Variants in SHISAL1 observed in about 807,000 individuals in gnomAD.
SHISAL1 encodes protein shisa-like-1.
In SHISAL1, 9 loss-of-function variants were observed where a neutral mutation model predicts 22.6. The observed-to-expected ratio is 0.40, with a 90% CI of 0.24 to 0.70. The LOEUF (loss-of-function observed/expected upper bound fraction) is 0.70. SHISAL1 is among the 30% of genes least tolerant of loss of function. SHISAL1 has a pLI of 0.39. For missense variants in SHISAL1, 246 were observed against 270.6 expected, an observed-to-expected ratio of 0.91 and a Z score of 0.64; for synonymous variants, 119 against 115.4, an observed-to-expected ratio of 1.03 and a Z score of -0.20.
At chr22:44,284,911 C>CTTCCTTCCTTCCT (rs2055302003) in intron 4 of SHISAL1, among the ~76,000 whole-genome samples, 1 of 151,634 alleles carries the variant, frequency 6.6e-6, no homozygotes, top group East Asian at 1.9e-4. Flanking sequence ...TCCTTCCTTC[C>CTTCCTTCCTTCCT]TTCCTTCCTT....
chr22:44,269,904 T>A (rs1273134357), intron 4 of SHISAL1, among the ~76,000 whole-genome samples: 1 of 152,232 alleles, frequency 6.6e-6, no homozygotes. Context: ...CTGTCCTTCC[T>A]GGTCAGCAGC....
intron 4 of SHISAL1, among the ~76,000 whole-genome samples, chr22:44,283,732 A>C (rs142181337): frequency 4.6e-4 from 70 of 152,306 alleles, no homozygotes; most frequent in African/African-American, 1.7e-3. Context: ...TTTTAAACGG[A>C]AGATTCTCAG....
the SHISAL1 span, among the ~76,000 whole-genome samples, chr22:44,327,150 C>G: frequency 6.6e-6 from 1 of 152,054 alleles, no homozygotes; most frequent in African/African-American, 2.4e-5. Flanking sequence ...CCCATCACAG[C>G]ACAGCACACG....
chr22:44,307,625 C>A (rs12161080), intron 1 of SHISAL1, among the ~76,000 whole-genome samples: 1 of 152,174 alleles, frequency 6.6e-6, no homozygotes, highest in African/African-American at 2.4e-5. Context: ...CCTGAACGCT[C>A]GTTGTTTGAC....
chr22:44,307,973 C>T (rs1475418108), intron 1 of SHISAL1, among the ~76,000 whole-genome samples: 1 of 152,184 alleles, frequency 6.6e-6, no homozygotes, highest in Non-Finnish European at 1.5e-5. Flanking sequence ...CAGCCAGCCC[C>T]TCCTCAGCCC....
intron 4 of SHISAL1, among the ~76,000 whole-genome samples, chr22:44,261,305 A>C (rs2147272963): frequency 6.6e-6 from 1 of 151,804 alleles, no homozygotes. Flanking sequence ...TGTGCTCTTC[A>C]CACTACTGGG....
At chr22:44,302,675 G>A (rs2055440277) in intron 1 of SHISAL1, among the ~76,000 whole-genome samples, 1 of 136,304 alleles carries the variant, frequency 7.3e-6, no homozygotes, top group Non-Finnish European at 1.6e-5. Flanking sequence ...AGGCCCTGGG[G>A]TGGGTGCGGT....
the SHISAL1 span, among the ~76,000 whole-genome samples, chr22:44,325,793 C>G: frequency 6.6e-6 from 1 of 151,946 alleles, no homozygotes; most frequent in South Asian, 2.1e-4. Flanking sequence ...ACCTTCATAA[C>G]GAGAAGCCAC....
intron 4 of SHISAL1, among the ~76,000 whole-genome samples, chr22:44,269,627 C>T (rs1200082138): frequency 1.3e-5 from 2 of 149,562 alleles, no homozygotes; most frequent in African/African-American, 5.1e-5. Context: ...ACACAATATA[C>T]ACACACATGC....
chr22:44,249,724 C>A (rs1289729140), intron 4 of SHISAL1, 39 bp from the exon 5 acceptor site: 1 of 778,658 alleles, frequency 1.3e-6, no homozygotes, highest in Non-Finnish European at 2.4e-6. Context: ...CACATGGTGT[C>A]TCCTCCATGG....
rs117917047 is a variant in SHISAL1 at position 44,303,154 on chromosome 22, G to A, written c.-32-2177C>T. ...TCTGGTGGGAGCAGTAGAGATGAGAGATGGGAGTTGATTTGCTGAGCATCT... is the reference window on the plus strand; with the variant it reads ...TCTGGTGGGAGCAGTAGAGATGAGAAATGGGAGTTGATTTGCTGAGCATCT... On this transcript the variant is annotated intron_variant, in intron 1 of 4. Transcript: ENST00000381176. Among the ~76,000 whole-genome samples the A allele has an allele frequency of 1.2e-3, 190 of 152,188 alleles. 6 individuals carry two copies. The East Asian group carries it at 0.033, about 26-fold the overall frequency.
At chr22:44,263,643 C>T (rs1483364743) in intron 4 of SHISAL1, among the ~76,000 whole-genome samples, 1 of 152,148 alleles carries the variant, frequency 6.6e-6, no homozygotes, top group African/African-American at 2.4e-5. Flanking sequence ...AGGCAGCAGG[C>T]TCAGAGTCAG....
chr22:44,287,281 C>T (rs1471166823), intron 3 of SHISAL1, among the ~76,000 whole-genome samples: 4 of 152,214 alleles, frequency 2.6e-5, no homozygotes, highest in Non-Finnish European at 4.4e-5. Flanking sequence ...AAGATGGGGG[C>T]TGCTTCCCTT....
intron 4 of SHISAL1, among the ~76,000 whole-genome samples, chr22:44,263,793 C>T (rs2055143148): frequency 1.3e-5 from 2 of 152,330 alleles, no homozygotes; most frequent in Middle Eastern, 3.4e-3. Context: ...TCCAGCAGGG[C>T]CCCGTGCTGC....
In SHISAL1 at chr22:44,285,634, G is replaced by A. The variant is rs1175131022; in HGVS notation, c.393C>T (p.Tyr131=). The A allele has an allele frequency of 8.7e-6, 14 of 1,614,080 alleles. No homozygotes were observed. The highest frequency in any genetic ancestry group is 1.7e-5 in the Admixed American group (1 of 60,012). ...SAMNYDICKV[Y]LARWGIQGRW... ...GTCCTTGGATGCCCCACCGTGCCAG[G>A]TAGACCTTGCAGATGTCGTAGTTCA... Residue 131 remains tyrosine (Y), a synonymous_variant, in exon 4 of 5, where the codon TAC becomes TAT. Transcript: ENST00000381176.
rs1048922088 is a variant in SHISAL1 at position 44,246,344 on chromosome 22, T to C, written c.*3341A>G. The C allele has an allele frequency of 6.6e-6, 1 of 152,110 alleles. No homozygotes were observed. The highest frequency in any genetic ancestry group is 1.5e-5 in the Non-Finnish European group (1 of 68,044). The allele number at this position is 152,110 out of a possible 1,614,324, so 9.4% of individuals were successfully genotyped here. A position where few individuals can be genotyped will look rare whatever the true frequency, so the allele number is the denominator to read the frequency against. ...TCGAATGCAGATTCCTCTGTGGACA[T>C]CTTGTCCTCTTCTCTCTCTCGTTTT... On this transcript the variant is annotated 3_prime_UTR_variant, in exon 5 of 5. Coordinates refer to ENST00000381176, the MANE Select transcript of SHISAL1 (RefSeq NM_001099294.2).
chr22:44,264,798 A>G (rs1374030853), intron 4 of SHISAL1, among the ~76,000 whole-genome samples: 2 of 151,494 alleles, frequency 1.3e-5, no homozygotes, highest in African/African-American at 4.8e-5. Context: ...GCCCCCAGCA[A>G]TTCACAAGCC....
At chr22:44,262,132 G>A (rs1266192236) in intron 4 of SHISAL1, among the ~76,000 whole-genome samples, 1 of 152,206 alleles carries the variant, frequency 6.6e-6, no homozygotes, top group Admixed American at 6.5e-5. Flanking sequence ...TGGGGTCCTG[G>A]CCAGGGTGGG....
At chr22:44,327,240 G>GCGCACACACA in the SHISAL1 span, among the ~76,000 whole-genome samples, 8 of 144,922 alleles carry the variant, frequency 5.5e-5, no homozygotes, top group Non-Finnish European at 1.2e-4. Context: ...TGGGGGGCGC[G>GCGCACACACA]CACACACACA....
Sources: allele counts gnomAD v4.1 joint callset (sites outside exome capture counted in the v4.1 genomes callset), GRCh38; gene constraint gnomAD v4.1.1; transcripts MANE v1.5; gene names NCBI Gene and HGNC (gene_info 2026-07-23, HGNC 2026-07-21).